Variants in USO1 observed in about 807,000 individuals in gnomAD.
The protein encoded by USO1 is general vesicular transport factor p115.
In USO1, 57 loss-of-function variants were observed where a neutral mutation model predicts 124.5. That is an observed-to-expected ratio of 0.46 (90% CI 0.37 to 0.57). The LOEUF is 0.57. Ranked by LOEUF, USO1 falls within the 20% of genes least tolerant of loss-of-function variation. USO1 has a pLI of 0.00. For missense variants in USO1, 900 were observed against 1,040.6 expected (o/e 0.86, Z 1.86); for synonymous variants, 369 against 362.8 (o/e 1.02, Z -0.19).
chr4:75,751,798 C>G (rs929705092), intron 1 of USO1, among the ~76,000 whole-genome samples: 1 of 151,620 alleles, frequency 6.6e-6, no homozygotes, highest in Non-Finnish European at 1.5e-5. Context: ...CATTGTCGCA[C>G]TCCAGCCTGG....
At chr4:75,807,937 A>T (rs1185725995) in intron 20 of USO1, among the ~76,000 whole-genome samples, 2 of 152,050 alleles carry the variant, frequency 1.3e-5, no homozygotes, top group African/African-American at 4.8e-5. Flanking sequence ...AATATATAGT[A>T]AAGTACTATA....
At chr4:75,763,273 C>T (rs1721674698) in intron 4 of USO1, among the ~76,000 whole-genome samples, 1 of 152,186 alleles carries the variant, frequency 6.6e-6, no homozygotes, top group African/African-American at 2.4e-5. Flanking sequence ...GGTTCAACTT[C>T]ACGATTTTTT....
chr4:75,740,850 T>C (rs1720937957), intron 1 of USO1, among the ~76,000 whole-genome samples: 1 of 152,206 alleles, frequency 6.6e-6, no homozygotes, highest in Non-Finnish European at 1.5e-5. Context: ...CTTTCTTCCT[T>C]CACAGTCTTA....
chr4:75,725,841 A>G (rs1272992671), intron 1 of USO1, among the ~76,000 whole-genome samples: 1 of 152,206 alleles, frequency 6.6e-6, no homozygotes, highest in Non-Finnish European at 1.5e-5. Context: ...CCTGAGGGAT[A>G]ATATAGTAGC....
chr4:75,724,734 T>G lies in USO1; in HGVS notation c.-86T>G. The G allele has an allele frequency of 2.1e-6, 3 of 1,416,116 alleles. No homozygotes were observed. The highest frequency in any genetic ancestry group is 2.9e-6 in the Non-Finnish European group (3 of 1,019,998). The allele number at this position is 1,416,116 out of a possible 1,614,324, so 87.7% of individuals were successfully genotyped here. A position where few individuals can be genotyped will look rare whatever the true frequency, so the allele number is the denominator to read the frequency against. On this transcript the variant is annotated 5_prime_UTR_variant, in exon 1 of 24. Coordinates refer to ENST00000514213, the MANE Select transcript of USO1 (RefSeq NM_003715.4). ...CAGTAGGAGTGTGTAGAGTGCGGGA[T>G]TGGGGCCCAGGCCCTGCGGAGGGCG...
chr4:75,743,629 G>A (rs937676411), intron 1 of USO1, among the ~76,000 whole-genome samples: 1 of 152,158 alleles, frequency 6.6e-6, no homozygotes, highest in Non-Finnish European at 1.5e-5. Context: ...CTTGCAAAAT[G>A]TTAAGTACTT....
chr4:75,810,679 A>G, intron 22 of USO1, 140 bp downstream of exon 22: 1 of 1,104,560 alleles, frequency 9.1e-7, no homozygotes, highest in Non-Finnish European at 1.2e-6. Flanking sequence ...TCACTCCTAT[A>G]TTGATGATTT....
chr4:75,790,600 G>A, intron 11 of USO1, 43 bp from the exon 12 acceptor site: 1 of 1,575,776 alleles, frequency 6.3e-7, no homozygotes, highest in Non-Finnish European at 8.6e-7. Flanking sequence ...GTATACTTGG[G>A]TTGCAATGTT....
chr4:75,804,040 G>A, intron 17 of USO1, 94 bp from the exon 18 acceptor site: 1 of 1,475,478 alleles, frequency 6.8e-7, no homozygotes, highest in East Asian at 2.4e-5. Flanking sequence ...TTAGCATACT[G>A]TCCCAAAATG....
rs753558260 is a variant in USO1 at position 75,810,571 on chromosome 4, A to G, written c.2583+32A>G. Reference sequence around the variant, plus strand: ...TTTTGGTGCAACTTTTATTTACTGCATATGATATGAAATGAACTCTAGGAA... The same window carrying G: ...TTTTGGTGCAACTTTTATTTACTGCGTATGATATGAAATGAACTCTAGGAA... On this transcript the variant is annotated intron_variant, in intron 22 of 23. Coordinates refer to ENST00000514213, the MANE Select transcript of USO1 (RefSeq NM_003715.4). The G allele has an allele frequency of 3.0e-5, 47 of 1,569,998 alleles. No individual in the cohort carries two copies. In the East Asian group the frequency reaches 3.4e-4, roughly 11 times the overall value.
intron 22 of USO1, among the ~76,000 whole-genome samples, chr4:75,811,026 C>T (rs987156985): frequency 2.6e-5 from 4 of 151,924 alleles, no homozygotes; most frequent in Non-Finnish European, 4.4e-5. Flanking sequence ...TGTGAGCTGC[C>T]GCACCCAGCC....
In USO1 at chr4:75,787,122, G is replaced by C; in HGVS notation, c.916G>C (p.Ala306Pro). 1 of 1,607,814 alleles carries C rather than the reference G, an allele frequency of 6.2e-7. No individual in the cohort carries two copies. Among genetic ancestry groups the C allele is most frequent in the South Asian group, 1.1e-5 (1 of 90,164 alleles). The change falls in exon 10 of 24, where the codon GCT becomes CCT. Residue 306 changes from alanine (A) to proline (P), a missense_variant. Ala to Pro is a conservative substitution (Grantham distance 27). Around this residue, in one of 2 missense-constraint regions of USO1, gnomAD observed 538 missense variants for 681.6 expected, o/e 0.79. Coordinates refer to ENST00000514213, the MANE Select transcript of USO1 (RefSeq NM_003715.4). The part of the protein sequence containing the change: ...PPGATSSCQK[A>P]MFQCGLLQQL... The stretch of plus-strand genomic sequence containing the variant: ...TGGTGCTACCAGTAGCTGCCAGAAG[G>C]CTATGTTCCAGTGTGGGTTATTGCA...
chr4:75,742,139 A>G (rs1193537269), intron 1 of USO1, among the ~76,000 whole-genome samples: 1 of 152,220 alleles, frequency 6.6e-6, no homozygotes, highest in Non-Finnish European at 1.5e-5. Flanking sequence ...AGTACACTCT[A>G]ACATAACCAT....
chr4:75,729,350 G>A (rs555806692), intron 1 of USO1, among the ~76,000 whole-genome samples: 2 of 151,032 alleles, frequency 1.3e-5, no homozygotes, highest in African/African-American at 4.9e-5. Flanking sequence ...TTTTGGGTAG[G>A]GGGGTGGGGT....
chr4:75,794,027 A>G (rs1186274033), intron 13 of USO1, 126 bp downstream of exon 13: 5 of 1,389,702 alleles, frequency 3.6e-6, no homozygotes, highest in Non-Finnish European at 4.8e-6. Flanking sequence ...TTAGTTCATC[A>G]TAATCAGAAA....
At chr4:75,746,306 C>T (rs1045290117) in intron 1 of USO1, among the ~76,000 whole-genome samples, 13 of 152,182 alleles carry the variant, frequency 8.5e-5, no homozygotes, top group Admixed American at 1.3e-4. Context: ...TGCCTAGCTG[C>T]AAGGAAAGCC....
chr4:75,747,737 G>A (rs1270122538), intron 1 of USO1, among the ~76,000 whole-genome samples: 1 of 150,340 alleles, frequency 6.7e-6, no homozygotes, highest in Non-Finnish European at 1.5e-5. Flanking sequence ...AGCGTCCTGA[G>A]TAGCTGGGAC....
At chr4:75,794,132 G>A (rs1355578091) in intron 13 of USO1, among the ~76,000 whole-genome samples, 1 of 152,160 alleles carries the variant, frequency 6.6e-6, no homozygotes, top group Non-Finnish European at 1.5e-5. Context: ...CATGTTCTGG[G>A]CAGAAAGGTA....
intron 13 of USO1, among the ~76,000 whole-genome samples, chr4:75,796,656 G>C (rs1216889383): frequency 6.6e-6 from 1 of 151,830 alleles, no homozygotes; most frequent in African/African-American, 2.4e-5. Flanking sequence ...CAAATATTTT[G>C]TTTGTAGTTC....
Sources: allele counts gnomAD v4.1 joint callset (sites outside exome capture counted in the v4.1 genomes callset), GRCh38; gene constraint gnomAD v4.1.1; regional missense constraint gnomAD v4.1.1; transcripts MANE v1.5; gene names NCBI Gene and HGNC (gene_info 2026-07-23, HGNC 2026-07-21).